ADCY10: variants seen among roughly 807,000 people sequenced by gnomAD.
ADCY10 encodes the protein adenylate cyclase type 10.
ADCY10 carries 156 observed loss-of-function variants against 183.3 expected under a neutral mutation model. The observed-to-expected ratio is 0.85, with a 90% CI of 0.75 to 0.97. ADCY10 has a LOEUF of 0.97. Among genes scored for constraint, ADCY10 ranks in the 50% least tolerant of loss-of-function variants. The probability of loss-of-function intolerance (pLI) is 0.00; values close to 1 mark genes in which losing one functional copy is unlikely to be tolerated. For missense variants in ADCY10, 1,745 were observed against 1,934.3 expected (o/e 0.90, Z 1.84); for synonymous variants, 645 against 670.0 (o/e 0.96, Z 0.58).
intron 7 of ADCY10, among the ~76,000 whole-genome samples, chr1:167,895,693 T>C (rs1302359603): frequency 6.6e-6 from 1 of 152,224 alleles, no homozygotes; most frequent in Non-Finnish European, 1.5e-5. Flanking sequence ...GAATTCTGGC[T>C]GTTAGGTCTG....
At position 167,904,823 on chromosome 1, in the gene ADCY10, C is replaced by G. The variant is rs1669703271; in HGVS notation, c.148+170G>C. ...CTGAGTAAGGGAGGATGAGAGAGAG[C>G]CAGGGCCACAAGCTATTTCCTCCCT... On this transcript the variant is annotated intron_variant, in intron 2 of 32. Transcript: ENST00000367851. 3 of 820,658 alleles carry G rather than the reference C, an allele frequency of 3.7e-6. No homozygotes were observed. The Admixed American group carries it at 6.2e-5, about 17-fold the overall frequency. 50.8% of individuals were successfully genotyped at this position (820,658 alleles called of 1,614,324 possible).
intron 15 of ADCY10, among the ~76,000 whole-genome samples, chr1:167,860,352 G>A (rs1666202682): frequency 6.6e-6 from 1 of 152,138 alleles, no homozygotes; most frequent in South Asian, 2.1e-4. Flanking sequence ...AGGCTCCTAT[G>A]AGAATCTAAT....
chr1:167,836,674 G>C, intron 22 of ADCY10, 134 bp from the exon 23 acceptor site: 1 of 671,600 alleles, frequency 1.5e-6, no homozygotes, highest in Non-Finnish European at 2.6e-6. Flanking sequence ...TGGATCATCT[G>C]AGATCAGGAG....
chr1:167,910,332 C>T (rs1399427787), intron 1 of ADCY10, among the ~76,000 whole-genome samples: 2 of 152,192 alleles, frequency 1.3e-5, no homozygotes, highest in African/African-American at 2.4e-5. Context: ...TCATTGACCT[C>T]TTTAAAATTC....
At chr1:167,824,444 C>G (rs1393344291) in intron 28 of ADCY10, 32 bp downstream of exon 28, 3 of 1,588,158 alleles carry the variant, frequency 1.9e-6, no homozygotes, top group East Asian at 4.5e-5. Flanking sequence ...GCCTCCTCCC[C>G]CTAATTTTGG....
intron 21 of ADCY10, among the ~76,000 whole-genome samples, chr1:167,841,715 C>A (rs1219236242): frequency 6.6e-6 from 1 of 151,864 alleles, no homozygotes; most frequent in Non-Finnish European, 1.5e-5. Flanking sequence ...GTCTTGAACC[C>A]TTGGCCTCAA....
intron 5 of ADCY10, among the ~76,000 whole-genome samples, chr1:167,901,348 A>C (rs977653566): frequency 2.0e-5 from 3 of 152,204 alleles, no homozygotes; most frequent in Non-Finnish European, 2.9e-5. Flanking sequence ...GACAAGCAGC[A>C]AGATGGAATA....
intron 14 of ADCY10, among the ~76,000 whole-genome samples, chr1:167,870,035 C>T (rs1304627359): frequency 6.6e-6 from 1 of 152,164 alleles, no homozygotes; most frequent in African/African-American, 2.4e-5. Context: ...ATAACCAAGC[C>T]CTTCCTGGCA....
At position 167,845,918 on chromosome 1, in the gene ADCY10, C is replaced by T. The variant is rs1380729761; in HGVS notation, c.2717-65G>A. 4.3e-6 allele frequency: 7 copies of T among 1,614,014 alleles called. No homozygotes were observed. The Admixed American group carries it at 5.0e-5, about 12-fold the overall frequency. ...CAACAGATCAGCCCCTTCTACCTAA[C>T]ATAGGTCAATTCTTTGATCTAGATG... On this transcript the variant is annotated intron_variant, in intron 20 of 32. Coordinates refer to ENST00000367851, the MANE Select transcript of ADCY10 (RefSeq NM_018417.6).
intron 30 of ADCY10, chr1:167,820,328 TGAGGGGCGGGGCCGGCCA>T (rs1037659748): frequency 1.8e-5 from 18 of 988,086 alleles, no homozygotes; most frequent in Middle Eastern, 3.3e-4. Context: ...TAGCCGGCCT[TGAGGGGCGGGGCCGGCCA>T]GAGGGGCGGG....
intron 7 of ADCY10, among the ~76,000 whole-genome samples, chr1:167,895,906 C>G (rs2102375479): frequency 6.6e-6 from 1 of 152,260 alleles, no homozygotes; most frequent in Admixed American, 6.5e-5. Flanking sequence ...GGAAAGGAAA[C>G]TAAGCAAAGA....
At chr1:167,887,139 G>A (rs972917519) in intron 8 of ADCY10, among the ~76,000 whole-genome samples, 3 of 152,080 alleles carry the variant, frequency 2.0e-5, no homozygotes, top group African/African-American at 4.8e-5. Context: ...ACAGTGTGGC[G>A]ATTCCTCAAG....
chr1:167,885,765 C>T (rs1375654228), intron 8 of ADCY10, among the ~76,000 whole-genome samples: 2 of 152,060 alleles, frequency 1.3e-5, no homozygotes, highest in Non-Finnish European at 2.9e-5. Flanking sequence ...CAGGCGCCCA[C>T]CACTACGCCC....
intron 23 of ADCY10, among the ~76,000 whole-genome samples, chr1:167,836,054 A>T (rs931582683): frequency 1.3e-5 from 2 of 152,188 alleles, no homozygotes; most frequent in Admixed American, 1.3e-4. Context: ...CCTCCCATAC[A>T]GGTAGACAAT....
At chr1:167,877,246 A>C (rs1667536446) in intron 12 of ADCY10, among the ~76,000 whole-genome samples, 1 of 148,936 alleles carries the variant, frequency 6.7e-6, no homozygotes, top group Admixed American at 6.8e-5. Context: ...TCTATCTCGT[A>C]TGGTCAATAT....
intron 6 of ADCY10, among the ~76,000 whole-genome samples, chr1:167,898,880 T>C (rs34191598): frequency 0.03 from 4,620 of 152,232 alleles, 80 homozygotes; most frequent in Middle Eastern, 0.054. Flanking sequence ...ACAGCTTTTT[T>C]AATTGTCCAT....
At chr1:167,838,109 C>T (rs953779441) in intron 21 of ADCY10, among the ~76,000 whole-genome samples, 1 of 152,220 alleles carries the variant, frequency 6.6e-6, no homozygotes, top group Admixed American at 6.5e-5. Context: ...ATGCATTACT[C>T]CATACATCTT....
chr1:167,862,715 T>A (rs1666369429), intron 14 of ADCY10, among the ~76,000 whole-genome samples: 1 of 152,222 alleles, frequency 6.6e-6, no homozygotes. Context: ...AATTATCCCT[T>A]CAGCAATGAT....
intron 6 of ADCY10, among the ~76,000 whole-genome samples, chr1:167,898,616 A>G (rs1319726525): frequency 6.6e-6 from 1 of 151,600 alleles, no homozygotes; most frequent in Non-Finnish European, 1.5e-5. Flanking sequence ...TTAAAAAAAG[A>G]ATGATTGAAG....
Sources: gnomAD v4.1 joint callset for allele counts (sites outside exome capture counted in the v4.1 genomes callset) on GRCh38, gnomAD v4.1.1 for gene constraint, MANE v1.5 for transcripts, NCBI Gene and HGNC (gene_info 2026-07-23, HGNC 2026-07-21) for gene names.